LRRC4C: variants seen among roughly 807,000 people sequenced by gnomAD.
The protein encoded by LRRC4C is leucine-rich repeat-containing protein 4C.
Under a neutral mutation model 33.6 loss-of-function variants are expected in LRRC4C, and 5 were observed. That is an observed-to-expected ratio of 0.15 (90% CI 0.08 to 0.31). The LOEUF (loss-of-function observed/expected upper bound fraction) is 0.31. Ranked by LOEUF, LRRC4C falls within the 10% of genes least tolerant of loss-of-function variation. The pLI is 1.00. For missense variants in LRRC4C, 560 were observed against 796.7 expected (o/e 0.70, Z 3.58); for synonymous variants, 329 against 302.0 (o/e 1.09, Z -0.93).
chr11:40,924,343 T>C (rs1455264861), intron 2 of LRRC4C, among the ~76,000 whole-genome samples: 1 of 152,004 alleles, frequency 6.6e-6, no homozygotes, highest in African/African-American at 2.4e-5. Flanking sequence ...CTGATAGGCC[T>C]TACATGCTCA....
At chr11:40,580,285 G>A (rs1958412073) in intron 3 of LRRC4C, among the ~76,000 whole-genome samples, 2 of 152,128 alleles carry the variant, frequency 1.3e-5, no homozygotes, top group Admixed American at 6.6e-5. Flanking sequence ...CCTTCACAAG[G>A]CAGCAGGAGA....
intron 3 of LRRC4C, among the ~76,000 whole-genome samples, chr11:40,519,709 A>G (rs1955727898): frequency 6.6e-6 from 1 of 152,196 alleles, no homozygotes. Flanking sequence ...TCACCATTCT[A>G]GGGGCCATTA....
intron 3 of LRRC4C, among the ~76,000 whole-genome samples, chr11:40,443,575 T>C (rs1951491008): frequency 6.6e-6 from 1 of 152,208 alleles, no homozygotes; most frequent in African/African-American, 2.4e-5. Flanking sequence ...AGTGACCCAT[T>C]GGTCATTCTC....
intron 1 of LRRC4C, among the ~76,000 whole-genome samples, chr11:41,458,464 A>T (rs571366477): frequency 5.8e-4 from 86 of 148,374 alleles, no homozygotes; most frequent in African/African-American, 2.0e-3. Flanking sequence ...CAATGAAATG[A>T]TATTTTGCTT....
chr11:40,683,930 A>G (rs1944830167), intron 2 of LRRC4C, among the ~76,000 whole-genome samples: 1 of 152,202 alleles, frequency 6.6e-6, no homozygotes, highest in African/African-American at 2.4e-5. Context: ...ATCTATGGGA[A>G]CTTAGAACCC....
chr11:41,278,443 A>C (rs1949551043), intron 1 of LRRC4C, among the ~76,000 whole-genome samples: 1 of 152,254 alleles, frequency 6.6e-6, no homozygotes, highest in Non-Finnish European at 1.5e-5. Flanking sequence ...ACATTAAGTG[A>C]GGACTTACTG....
chr11:40,314,560 G>A (rs1434149253), intron 4 of LRRC4C, among the ~76,000 whole-genome samples: 1 of 152,070 alleles, frequency 6.6e-6, no homozygotes, highest in East Asian at 1.9e-4. Context: ...TTTATCCAAA[G>A]GAGAGGAAAT....
intron 3 of LRRC4C, among the ~76,000 whole-genome samples, chr11:40,512,041 A>AGGCCT (rs1163600074): frequency 6.6e-6 from 1 of 152,296 alleles, no homozygotes; most frequent in African/African-American, 2.4e-5. Context: ...AGGTCCAGAA[A>AGGCCT]AAAAGAAAAA....
At chr11:40,777,694 T>A (rs908896332) in intron 2 of LRRC4C, among the ~76,000 whole-genome samples, 10 of 151,600 alleles carry the variant, frequency 6.6e-5, no homozygotes, top group East Asian at 3.9e-4. Flanking sequence ...TTATTTTTTT[T>A]ATTTTTTTTT....
chr11:40,963,927 A>C (rs1851145313), intron 1 of LRRC4C, among the ~76,000 whole-genome samples: 1 of 151,756 alleles, frequency 6.6e-6, no homozygotes, highest in South Asian at 2.1e-4. Flanking sequence ...ATATTTGGGC[A>C]ATCTTTAAAA....
intron 2 of LRRC4C, among the ~76,000 whole-genome samples, chr11:40,688,310 T>A (rs1945058884): frequency 1.3e-5 from 2 of 152,244 alleles, no homozygotes; most frequent in Admixed American, 6.5e-5. Context: ...AGATCCTCCC[T>A]TGTTAGCTTT....
chr11:40,507,281 T>G (rs1955079235), intron 3 of LRRC4C, among the ~76,000 whole-genome samples: 1 of 152,064 alleles, frequency 6.6e-6, no homozygotes, highest in Non-Finnish European at 1.5e-5. Context: ...AAGGAAAGAC[T>G]GCAAATCCGG....
chr11:40,839,992 T>A (rs1952842705), intron 2 of LRRC4C, among the ~76,000 whole-genome samples: 1 of 152,200 alleles, frequency 6.6e-6, no homozygotes, highest in African/African-American at 2.4e-5. Context: ...TTTTTCCCAA[T>A]CTGATAGTCT....
At chr11:40,271,230 C>T (rs1403592340) in intron 4 of LRRC4C, among the ~76,000 whole-genome samples, 2 of 152,124 alleles carry the variant, frequency 1.3e-5, no homozygotes, top group Non-Finnish European at 2.9e-5. Context: ...GACTATAAGC[C>T]CTCAGCCCCT....
intron 3 of LRRC4C, among the ~76,000 whole-genome samples, chr11:40,534,252 T>C (rs1408142924): frequency 1.6e-5 from 2 of 128,758 alleles, no homozygotes; most frequent in African/African-American, 4.6e-5. Flanking sequence ...TTTGCTACCA[T>C]TGTTACTATA....
chr11:40,535,962 T>C (rs980907222), intron 3 of LRRC4C, among the ~76,000 whole-genome samples: 1 of 152,210 alleles, frequency 6.6e-6, no homozygotes, highest in East Asian at 1.9e-4. Flanking sequence ...CTGATGAAAA[T>C]ACTCTGGTCA....
rs114688096 is a variant in LRRC4C at position 40,322,659 on chromosome 11, A to G, written c.-269-2938T>C. 1.0e-2 allele frequency among the ~76,000 whole-genome samples: 1,520 copies of G among 152,268 alleles called. 22 individuals are homozygous for G. The highest frequency in any genetic ancestry group is 0.034 in the African/African-American group (1,425 of 41,546). The stretch of plus-strand genomic sequence containing the variant: ...CAGACAATCTAAGGTCAGCAGCATC[A>G]CTTCCTGTTTGTAGATCTTTAGAAA... On this transcript the variant is annotated intron_variant, in intron 3 of 6. Coordinates refer to ENST00000528697, the MANE Select transcript of LRRC4C (RefSeq NM_001258419.2).
rs943480235 is a variant in LRRC4C at position 40,280,951 on chromosome 11, T to C, written c.-176+38677A>G. On this transcript the variant is annotated intron_variant, in intron 4 of 6. Transcript: ENST00000528697. ...TAAAAGCGACCTTTTGGAGTTGGAATTTTTTGTTGTTAATAGGGAATGGTA... is the reference window on the plus strand; with the variant it reads ...TAAAAGCGACCTTTTGGAGTTGGAACTTTTTGTTGTTAATAGGGAATGGTA... Among the ~76,000 whole-genome samples, 3 of 152,144 alleles carry C rather than the reference T, an allele frequency of 2.0e-5. No individual in the cohort carries two copies. The East Asian group carries it at 5.8e-4, about 30-fold the overall frequency.
At chr11:41,163,757 G>T (rs1944588896) in intron 1 of LRRC4C, among the ~76,000 whole-genome samples, 1 of 151,670 alleles carries the variant, frequency 6.6e-6, no homozygotes, top group Admixed American at 6.6e-5. Flanking sequence ...GATTACAGGT[G>T]CCCACAAACA....
Sources: gnomAD v4.1 joint callset for allele counts (sites outside exome capture counted in the v4.1 genomes callset) on GRCh38, gnomAD v4.1.1 for gene constraint, MANE v1.5 for transcripts, NCBI Gene and HGNC (gene_info 2026-07-23, HGNC 2026-07-21) for gene names.